The following ENAH variants were observed in gnomAD, a reference collection of about 807,000 sequenced individuals.
The protein encoded by ENAH is ENAH actin regulator.
ENAH carries 23 observed loss-of-function variants against 78.7 expected under a neutral mutation model. The ratio of observed to expected loss-of-function variants is 0.29; its 90% CI spans 0.21 to 0.41. The LOEUF is 0.41. ENAH is among the 10% of genes least tolerant of loss of function. The pLI, the probability that ENAH is intolerant of heterozygous loss-of-function variation, is 1.00. For missense variants in ENAH, 544 were observed against 691.0 expected, an observed-to-expected ratio of 0.79 and a Z score of 2.39; for synonymous variants, 226 against 241.0, an observed-to-expected ratio of 0.94 and a Z score of 0.58.
chr1:225,559,757 G>A (rs375001822), intron 2 of ENAH, among the ~76,000 whole-genome samples: 1 of 152,162 alleles, frequency 6.6e-6, no homozygotes, highest in Admixed American at 6.5e-5. Context: ...TCAGCAGACA[G>A]TAAGAGAATC....
At chr1:225,521,905 C>G (rs1029050719) in intron 4 of ENAH, among the ~76,000 whole-genome samples, 2 of 152,078 alleles carry the variant, frequency 1.3e-5, no homozygotes, top group Admixed American at 6.5e-5. Context: ...ACACCATTCT[C>G]TTGCCTCAGC....
intron 4 of ENAH, among the ~76,000 whole-genome samples, chr1:225,520,525 C>T (rs987069278): frequency 1.3e-4 from 20 of 152,102 alleles, no homozygotes; most frequent in East Asian, 1.9e-4. Context: ...AACCATTTCC[C>T]GCTACTGTGA....
In ENAH at chr1:225,555,087, A is replaced by C; in HGVS notation, c.172-4T>G. On this transcript the variant is annotated splice_polypyrimidine_tract_variant and splice_region_variant and intron_variant, in intron 2 of 13. Transcript: ENST00000366843. The stretch of plus-strand genomic sequence containing the variant: ...GAATGGCACAGTTTATCACGACCTA[A>C]AAAATAATAATTCTTTATAAAGTCA... The C allele has an allele frequency of 6.6e-7, 1 of 1,513,704 alleles. No homozygotes were observed. The highest frequency in any genetic ancestry group is 9.0e-7 in the Non-Finnish European group (1 of 1,113,518). The allele number at this position is 1,513,704 out of a possible 1,614,324, so 93.8% of individuals were successfully genotyped here.
intron 1 of ENAH, among the ~76,000 whole-genome samples, chr1:225,616,240 A>T (rs1170067674): frequency 2.0e-5 from 3 of 151,824 alleles, no homozygotes; most frequent in African/African-American, 7.3e-5. Flanking sequence ...CCCTGTTCAC[A>T]TGTTTATCTG....
At position 225,570,230 on chromosome 1, in the gene ENAH, G is replaced by T. The variant is rs576852748; in HGVS notation, c.6-2816C>A. Among the ~76,000 whole-genome samples the T allele has an allele frequency of 5.3e-5, 8 of 151,536 alleles. No homozygotes were observed. The East Asian group carries it at 1.6e-3, about 29-fold the overall frequency. On this transcript the variant is annotated intron_variant, in intron 1 of 13. Coordinates refer to ENST00000366843, the MANE Select transcript of ENAH (RefSeq NM_018212.6). ...GAAGCCCCCATCAAGGCCCAGCCAGGAAAGGATGGCACTGCCTGCTAGGGT... is the reference window on the plus strand; with the variant it reads ...GAAGCCCCCATCAAGGCCCAGCCAGTAAAGGATGGCACTGCCTGCTAGGGT...
chr1:225,629,207 G>A (rs1658522768), intron 1 of ENAH, among the ~76,000 whole-genome samples: 1 of 152,066 alleles, frequency 6.6e-6, no homozygotes, highest in South Asian at 2.1e-4. Flanking sequence ...GAATCCGGGA[G>A]GCAGAGGTTG....
At chr1:225,517,663 G>A (rs1280444714) in intron 5 of ENAH, 14 of 1,550,934 alleles carry the variant, frequency 9.0e-6, no homozygotes, top group East Asian at 2.4e-5. Flanking sequence ...ACAGGGCTTC[G>A]TAGCTGGAGG....
At position 225,553,991 on chromosome 1, in the gene ENAH, T is replaced by C. The variant is rs146403240; in HGVS notation, c.349+915A>G. On this transcript the variant is annotated intron_variant, in intron 3 of 13. Coordinates refer to ENST00000366843, the MANE Select transcript of ENAH (RefSeq NM_018212.6). ...CTAGATGCTTCAACCCTTTTTAGTA[T>C]AAGGCAACATATACATTGTTTAATG... 8.8e-4 allele frequency among the ~76,000 whole-genome samples: 134 copies of C among 152,336 alleles called. 1 individual carries two copies. Among genetic ancestry groups the C allele is most frequent in the African/African-American group, 3.2e-3 (134 of 41,592 alleles).
At chr1:225,595,912 T>G (rs957234458) in intron 1 of ENAH, among the ~76,000 whole-genome samples, 2 of 152,242 alleles carry the variant, frequency 1.3e-5, no homozygotes, top group African/African-American at 4.8e-5. Context: ...AAGTGTCCTC[T>G]TTTTTCCTCA....
chr1:225,549,253 C>A (rs551948312), intron 3 of ENAH, among the ~76,000 whole-genome samples: 10 of 152,256 alleles, frequency 6.6e-5, no homozygotes, highest in Non-Finnish European at 1.5e-4. Context: ...CTTTGGGATT[C>A]TTTTCAGGTC....
At chr1:225,641,634 C>G (rs1165986526) in intron 1 of ENAH, among the ~76,000 whole-genome samples, 1 of 152,098 alleles carries the variant, frequency 6.6e-6, no homozygotes, top group Non-Finnish European at 1.5e-5. Flanking sequence ...TGTTTGTAAT[C>G]CTAGCACTTT....
chr1:225,614,473 C>G (rs1313530296), intron 1 of ENAH, among the ~76,000 whole-genome samples: 2 of 152,182 alleles, frequency 1.3e-5, no homozygotes, highest in Non-Finnish European at 2.9e-5. Flanking sequence ...GGATGTACCC[C>G]CAATCGCTGC....
chr1:225,580,236 T>A (rs2151603753), intron 1 of ENAH: 1 of 152,062 alleles, frequency 6.6e-6, no homozygotes, highest in Admixed American at 6.5e-5. Context: ...CAAGGTTAAT[T>A]TACGAAGTGA....
intron 1 of ENAH, among the ~76,000 whole-genome samples, chr1:225,635,256 G>A (rs975115052): frequency 6.6e-6 from 1 of 152,118 alleles, no homozygotes; most frequent in Admixed American, 6.5e-5. Flanking sequence ...TGTTGCCCAG[G>A]CTGGTCTCAA....
At chr1:225,570,415 T>A (rs1359475074) in intron 1 of ENAH, among the ~76,000 whole-genome samples, 1 of 151,796 alleles carries the variant, frequency 6.6e-6, no homozygotes, top group Non-Finnish European at 1.5e-5. Context: ...TTTTTCAGTA[T>A]TTTTTCCAGT....
intron 2 of ENAH, among the ~76,000 whole-genome samples, chr1:225,562,433 G>A (rs1219317835): frequency 2.0e-5 from 3 of 151,614 alleles, no homozygotes; most frequent in East Asian, 2.0e-4. Context: ...TTAACCGGGC[G>A]TGGTGACAGG....
chr1:225,629,492 TAGG>T (rs1381299203), intron 1 of ENAH, among the ~76,000 whole-genome samples: 1 of 142,320 alleles, frequency 7.0e-6, no homozygotes, highest in Non-Finnish European at 1.5e-5. Context: ...GAGGCTGAGG[TAGG>T]AGAATTGCTT....
rs1475892705 is a variant in ENAH, at chr1:225,495,681, A to G, written c.*2094T>C. 6.6e-6 allele frequency: 1 copy of G among 152,536 alleles called. No individual in the cohort carries two copies. Among genetic ancestry groups the G allele is most frequent in the Non-Finnish European group, 1.5e-5 (1 of 68,016 alleles). The allele number at this position is 152,536 out of a possible 1,614,324, so 9.4% of individuals were successfully genotyped here. A position where few individuals can be genotyped will look rare whatever the true frequency, so the allele number is the denominator to read the frequency against. Reference sequence around the variant, plus strand: ...GTTGCTGACCAGATTTATAGGGGACATAACTGTTTATATTATCAAAGTGTT... The same window carrying G: ...GTTGCTGACCAGATTTATAGGGGACGTAACTGTTTATATTATCAAAGTGTT... On this transcript the variant is annotated 3_prime_UTR_variant, in exon 14 of 14. Transcript: ENST00000366843.
rs576990610 is a variant in ENAH at position 225,617,229 on chromosome 1, T to C, written c.5+35457A>G. Among the ~76,000 whole-genome samples the C allele has an allele frequency of 4.6e-5, 7 of 152,306 alleles. No individual in the cohort carries two copies. In the South Asian group the frequency reaches 1.4e-3, roughly 32 times the overall value. On this transcript the variant is annotated intron_variant, in intron 1 of 13. Coordinates refer to ENST00000366843, the MANE Select transcript of ENAH (RefSeq NM_018212.6). ...CTGTCTTCCTTATAGTTAGTTGAAATATACATGTCCACTGACAACTATGAC... is the reference window on the plus strand; with the variant it reads ...CTGTCTTCCTTATAGTTAGTTGAAACATACATGTCCACTGACAACTATGAC...
Sources: allele counts gnomAD v4.1 joint callset (sites outside exome capture counted in the v4.1 genomes callset), GRCh38; gene constraint gnomAD v4.1.1; transcripts MANE v1.5; gene names NCBI Gene and HGNC (gene_info 2026-07-23, HGNC 2026-07-21).